The following RTKN variants were observed in gnomAD, a reference collection of about 807,000 sequenced individuals.
RTKN encodes the protein rhotekin.
Under a neutral mutation model 63.5 loss-of-function variants are expected in RTKN, and 49 were observed. The ratio of observed to expected loss-of-function variants is 0.77; its 90% CI spans 0.61 to 0.98. The LOEUF (loss-of-function observed/expected upper bound fraction) is 0.98, where lower values mean the gene tolerates loss of function less well. RTKN is among the 50% of genes least tolerant of loss of function. RTKN has a pLI of 0.00. For missense variants in RTKN, 685 were observed against 740.8 expected (o/e 0.92, Z 0.87); for synonymous variants, 295 against 290.4 (o/e 1.02, Z -0.16).
At chr2:74,438,192 C>G (rs963266793) in intron 1 of RTKN, among the ~76,000 whole-genome samples, 20 of 152,120 alleles carry the variant, frequency 1.3e-4, no homozygotes, top group Non-Finnish European at 2.4e-4. Context: ...TCCATCTTCC[C>G]CATCTCCGTA....
Position 74,427,164 on chromosome 2 carries a change from C to T in RTKN, c.1360+5G>A. ...CTTCCTGGAGTTCACATTCCTCTCA[C>T]TTACCCATCTCATGGTACAAGGACC... On this transcript the variant is annotated splice_donor_5th_base_variant and intron_variant, in intron 11 of 11. Transcript: ENST00000272430. 3 of 1,612,460 alleles carry T rather than the reference C, an allele frequency of 1.9e-6. No individual in the cohort carries two copies. The highest frequency in any genetic ancestry group is 1.3e-5 in the African/African-American group (1 of 74,982).
chr2:74,427,110 T>C (rs1670439089), intron 11 of RTKN, 59 bp downstream of exon 11: 1 of 1,566,670 alleles, frequency 6.4e-7, no homozygotes, highest in Non-Finnish European at 8.8e-7. Flanking sequence ...CTGGTTTCTC[T>C]TGAAGTCCCC....
Position 74,432,010 on chromosome 2 carries a change from G to A in RTKN, c.311+457C>T, listed in dbSNP as rs73951210. 5.2e-3 allele frequency: 1,512 copies of A among 288,740 alleles called. 19 individuals are homozygous for A. Among genetic ancestry groups the A allele is most frequent in the African/African-American group, 0.032 (1,418 of 44,942 alleles). 17.9% of individuals were successfully genotyped at this position (288,740 alleles called of 1,614,324 possible). On this transcript the variant is annotated intron_variant, in intron 2 of 11. Transcript: ENST00000272430. ...AATGCACAATCTAATTTGTTTGAAT[G>A]GGTAGGCTTTCCTTAAGTGGTTTCT... is the stretch of plus-strand genomic sequence containing the variant.
In RTKN at chr2:74,429,990, G is replaced by A. The variant is rs1670648624; in HGVS notation, c.593C>T (p.Ala198Val). The A allele has an allele frequency of 6.2e-7, 1 of 1,614,222 alleles. No homozygotes were observed. The highest frequency in any genetic ancestry group is 1.3e-5 in the African/African-American group (1 of 75,054). The change falls in exon 6 of 12, where the codon GCC (alanine) becomes GTC (valine). Residue 198 changes from alanine to valine, a missense_variant. Ala to Val is a moderately conservative substitution (Grantham distance 64, BLOSUM62 0). Transcript: ENST00000272430. The part of the protein sequence containing the change: ...DFELRLELYG[A>V]CVEEEGALTG... Reference sequence around the variant, plus strand: ...CAGGGCCCCCTCTTCTTCCACACAGGCCCCATACAGCTCTAACCGCAGTTC... The same window carrying A: ...CAGGGCCCCCTCTTCTTCCACACAGACCCCATACAGCTCTAACCGCAGTTC...
intron 1 of RTKN, chr2:74,440,416 G>A: frequency 1.0e-6 from 1 of 986,624 alleles, no homozygotes; most frequent in South Asian, 4.7e-5. Flanking sequence ...GTCTGCTGCT[G>A]TCCCCGCTCC....
chr2:74,428,347 C>T lies in RTKN; in HGVS notation c.1007G>A (p.Gly336Asp). 1 of 1,614,140 alleles carries T rather than the reference C, an allele frequency of 6.2e-7. No individual in the cohort carries two copies. Among genetic ancestry groups the T allele is most frequent in the Non-Finnish European group, 8.5e-7 (1 of 1,180,026 alleles). The change falls in exon 9 of 12, where the codon GGC becomes GAC. Residue 336 changes from glycine to aspartate, a missense_variant. Coordinates refer to ENST00000272430, the MANE Select transcript of RTKN (RefSeq NM_001015055.2). ...NWAQVHGVLK[G>D]TNLFCYRQPE... ...TTGCCGGTAACAGAAGAGGTTTGTGCCTTTCAGAACTCCATGCACTTGTGC... is the reference window on the plus strand; with the variant it reads ...TTGCCGGTAACAGAAGAGGTTTGTGTCTTTCAGAACTCCATGCACTTGTGC...
rs542834370 is a variant in RTKN at position 74,430,179 on chromosome 2, C to T, written c.545+73G>A. On this transcript the variant is annotated intron_variant, in intron 5 of 11. Transcript: ENST00000272430. ...TCCACCCTGCCCCCATCCCAGCTTC[C>T]TCCCCTGGAACTCGCTCATCCAGAA... 8.4e-6 allele frequency: 13 copies of T among 1,542,138 alleles called. No individual in the cohort carries two copies. In the South Asian group the frequency reaches 1.4e-4, roughly 16 times the overall value.
chr2:74,438,660 GCT>G (rs1483260844), intron 1 of RTKN, among the ~76,000 whole-genome samples: 2 of 152,274 alleles, frequency 1.3e-5, no homozygotes, highest in East Asian at 1.9e-4. Context: ...AGCCACACTG[GCT>G]CTCTCTTTCC....
chr2:74,437,910 C>T (rs1309635387), intron 1 of RTKN, among the ~76,000 whole-genome samples: 1 of 152,206 alleles, frequency 6.6e-6, no homozygotes, highest in African/African-American at 2.4e-5. Flanking sequence ...AGGACTCTCA[C>T]CTCTGGCTGG....
At chr2:74,435,230 G>C (rs976043221) in intron 1 of RTKN, among the ~76,000 whole-genome samples, 1 of 152,152 alleles carries the variant, frequency 6.6e-6, no homozygotes, top group South Asian at 2.1e-4. Context: ...ATTTAGAAAG[G>C]AGCCCTGGAG....
chr2:74,440,619 C>T, intron 1 of RTKN: 2 of 948,204 alleles, frequency 2.1e-6, no homozygotes, highest in Non-Finnish European at 2.5e-6. Context: ...GGCCCCAGCT[C>T]ACAGGCCCCT....
chr2:74,435,202 G>T (rs1005476893), intron 1 of RTKN, among the ~76,000 whole-genome samples: 2 of 152,174 alleles, frequency 1.3e-5, no homozygotes, highest in African/African-American at 4.8e-5. Context: ...AGAGACACCA[G>T]GATTCTCAGG....
In RTKN at chr2:74,436,756, C is replaced by T. The variant is rs1671084369; in HGVS notation, c.112-4090G>A. On this transcript the variant is annotated intron_variant, in intron 1 of 11. Transcript: ENST00000272430. The surrounding 1 kb of genome is among the most constrained non-coding windows in gnomAD (Gnocchi z 4.3). ...AATCCACTCTCCCAAGGCCCAAGGC[C>T]GGGAGCGCCCTAGGAAACTGGCTCC... 1.3e-5 allele frequency among the ~76,000 whole-genome samples: 2 copies of T among 152,168 alleles called. No individual in the cohort carries two copies. Among genetic ancestry groups the T allele is most frequent in the African/African-American group, 4.8e-5 (2 of 41,444 alleles).
At position 74,426,195 on chromosome 2, in the gene RTKN, T is replaced by G; in HGVS notation, c.*48A>C. 6.5e-7 allele frequency: 1 copy of G among 1,538,782 alleles called. No homozygotes were observed. Among genetic ancestry groups the G allele is most frequent in the Non-Finnish European group, 9.0e-7 (1 of 1,116,430 alleles). The stretch of plus-strand genomic sequence containing the variant: ...GCCGTATCCAGAGCCCAACTGCGCA[T>G]GGGTCATTTTCTCTTCTGGGCAGAT... On this transcript the variant is annotated 3_prime_UTR_variant, in exon 12 of 12. Transcript: ENST00000272430.
chr2:74,435,191 A>G (rs370585424), intron 1 of RTKN, among the ~76,000 whole-genome samples: 24 of 152,198 alleles, frequency 1.6e-4, no homozygotes, highest in South Asian at 8.3e-4. Flanking sequence ...GAGGCCCTGG[A>G]AGAGACACCA....
chr2:74,434,108 CT>C (rs879780048), intron 1 of RTKN, among the ~76,000 whole-genome samples: 136 of 144,488 alleles, frequency 9.4e-4, no homozygotes, highest in Admixed American at 1.1e-3. Flanking sequence ...ATTTATGATA[CT>C]TTTTTTTTTT....
intron 1 of RTKN, among the ~76,000 whole-genome samples, chr2:74,433,873 C>A (rs1331207610): frequency 6.6e-6 from 1 of 152,056 alleles, no homozygotes; most frequent in Non-Finnish European, 1.5e-5. Flanking sequence ...TACATCTGTA[C>A]CCTGTAGTAT....
rs1573245987 is a variant in RTKN at position 74,430,646 on chromosome 2, A to G, written c.343T>C (p.Ser115Pro). The change falls in exon 3 of 12, where the codon TCC becomes CCC. Residue 115 changes from serine (S) to proline (P), a missense_variant. By Grantham distance (74) the Ser-to-Pro change is moderately conservative. Transcript: ENST00000272430. ...ATGCAGACCCGGCCGCGGCAGGGGG[A>G]GCGCTCAGCGGGCGGGCCACTGTCA... ...PSDSGPPAER[S>P]PCRGRVCISD... 2 of 1,613,376 alleles carry G rather than the reference A, an allele frequency of 1.2e-6. No individual in the cohort carries two copies. Among genetic ancestry groups the G allele is most frequent in the Non-Finnish European group, 1.7e-6 (2 of 1,179,912 alleles).
intron 2 of RTKN, chr2:74,432,183 C>T: frequency 1.8e-6 from 1 of 569,374 alleles, no homozygotes; most frequent in Non-Finnish European, 3.2e-6. Context: ...GGATCACAGA[C>T]AGGGCTTAGC....
Sources: allele counts gnomAD v4.1 joint callset (sites outside exome capture counted in the v4.1 genomes callset), GRCh38; gene constraint gnomAD v4.1.1; non-coding constraint Gnocchi (gnomAD v3.1); transcripts MANE v1.5; gene names NCBI Gene and HGNC (gene_info 2026-07-23, HGNC 2026-07-21).